PIK3CB: variants seen among roughly 807,000 people sequenced by gnomAD.
PIK3CB encodes phosphatidylinositol-4,5-bisphosphate 3-kinase catalytic subunit beta, also known as phosphatidylinositol 4,5-bisphosphate 3-kinase catalytic subunit beta isoform.
A neutral mutation model predicts 136.8 loss-of-function variants in PIK3CB; 39 were observed. The ratio of observed to expected loss-of-function variants is 0.29; its 90% CI spans 0.22 to 0.37. The LOEUF (loss-of-function observed/expected upper bound fraction) is 0.37, where lower values mean the gene tolerates loss of function less well. Among genes scored for constraint, PIK3CB ranks in the 10% least tolerant of loss-of-function variants. The probability of loss-of-function intolerance (pLI) is 1.00; values close to 1 mark genes in which losing one functional copy is unlikely to be tolerated. For missense variants in PIK3CB, 868 were observed against 1,275.4 expected, an observed-to-expected ratio of 0.68 and a Z score of 4.87; for synonymous variants, 428 against 436.6, an observed-to-expected ratio of 0.98 and a Z score of 0.25.
intron 19 of PIK3CB, among the ~76,000 whole-genome samples, chr3:138,672,212 T>C (rs2043548551): frequency 6.6e-6 from 1 of 152,126 alleles, no homozygotes; most frequent in African/African-American, 2.4e-5. Context: ...TATCTTTTCA[T>C]TGATCAGATG....
At chr3:138,679,936 TAAA>T (rs61222749) in intron 19 of PIK3CB, among the ~76,000 whole-genome samples, 9 of 110,816 alleles carry the variant, frequency 8.1e-5, no homozygotes, top group East Asian at 2.4e-4. Flanking sequence ...AACACAAAAG[TAAA>T]AAAAAAAAAA....
At chr3:138,709,562 T>C (rs1226320958) in intron 10 of PIK3CB, among the ~76,000 whole-genome samples, 1 of 152,202 alleles carries the variant, frequency 6.6e-6, no homozygotes, top group Non-Finnish European at 1.5e-5. Flanking sequence ...ACCTAGGGAC[T>C]CTGGATGGTA....
chr3:138,804,747 G>A (rs963995089), intron 1 of PIK3CB, among the ~76,000 whole-genome samples: 7 of 152,102 alleles, frequency 4.6e-5, no homozygotes, highest in Admixed American at 6.5e-5. Context: ...CAGTATGGCC[G>A]GGAACGGTGG....
intron 8 of PIK3CB, 62 bp downstream of exon 8, chr3:138,733,299 A>G (rs748561122): frequency 1.4e-6 from 1 of 696,650 alleles, no homozygotes; most frequent in Admixed American, 2.2e-5. Flanking sequence ...ATTATTGAGC[A>G]TATCAGTGAG....
At chr3:138,776,035 TA>T in intron 2 of PIK3CB, among the ~76,000 whole-genome samples, 1 of 152,108 alleles carries the variant, frequency 6.6e-6, no homozygotes, top group Middle Eastern at 3.4e-3. Flanking sequence ...CAGTCTCTAC[TA>T]AAAATACAAA....
intron 1 of PIK3CB, among the ~76,000 whole-genome samples, chr3:138,826,726 G>A (rs1392901763): frequency 2.0e-5 from 3 of 151,608 alleles, no homozygotes; most frequent in East Asian, 3.9e-4. Flanking sequence ...TCTCACACAC[G>A]TGTGCAATGG....
chr3:138,712,941 C>A (rs1194080874), intron 9 of PIK3CB, among the ~76,000 whole-genome samples: 1 of 152,080 alleles, frequency 6.6e-6, no homozygotes, highest in Non-Finnish European at 1.5e-5. Context: ...TTTCAACCTA[C>A]ATAAATCTCA....
chr3:138,826,054 G>A (rs1933771151), intron 1 of PIK3CB: 11 of 1,251,810 alleles, frequency 8.8e-6, no homozygotes, highest in East Asian at 2.3e-5. Context: ...CAGCTTGCAA[G>A]TTTGCTGACC....
chr3:138,813,314 C>T (rs1426539204), intron 1 of PIK3CB, among the ~76,000 whole-genome samples: 1 of 151,924 alleles, frequency 6.6e-6, no homozygotes, highest in African/African-American at 2.4e-5. Context: ...ATACAGTTCC[C>T]AAAGATCTAA....
intron 23 of PIK3CB, 63 bp downstream of exon 23, chr3:138,656,079 A>G (rs2108385237): frequency 6.5e-7 from 1 of 1,536,534 alleles, no homozygotes; most frequent in East Asian, 2.3e-5. Flanking sequence ...TGAATAAAAC[A>G]GGCAGCTAAA....
At chr3:138,794,766 TG>T (rs1164048408) in intron 2 of PIK3CB, among the ~76,000 whole-genome samples, 2 of 152,192 alleles carry the variant, frequency 1.3e-5, no homozygotes, top group South Asian at 2.1e-4. Flanking sequence ...CTGTGGTATC[TG>T]GGGGGAATTG....
At chr3:138,690,244 AAAG>A (rs1183564959) in intron 15 of PIK3CB, among the ~76,000 whole-genome samples, 4 of 151,992 alleles carry the variant, frequency 2.6e-5, no homozygotes, top group Non-Finnish European at 1.5e-5. Flanking sequence ...AAAAAGAAGA[AAAG>A]AAGAAAAAGA....
intron 2 of PIK3CB, among the ~76,000 whole-genome samples, chr3:138,784,691 G>A (rs925273680): frequency 2.0e-5 from 3 of 152,306 alleles, no homozygotes; most frequent in Admixed American, 6.5e-5. Flanking sequence ...TGGGCCTCCC[G>A]AGGTGCTGGG....
At chr3:138,826,383 C>G in intron 1 of PIK3CB, 1 of 1,497,006 alleles carries the variant, frequency 6.7e-7, no homozygotes, top group Non-Finnish European at 9.1e-7. Context: ...GAAGAATAGC[C>G]TCAGAAATGT....
At chr3:138,825,898 T>A (rs1933764504) in intron 1 of PIK3CB, 69 of 1,562,576 alleles carry the variant, frequency 4.4e-5, no homozygotes, top group Middle Eastern at 2.4e-4. Context: ...CTGTCAAAGA[T>A]GTTCATCACG....
chr3:138,819,971 C>CTCAA (rs1162312134), intron 1 of PIK3CB, among the ~76,000 whole-genome samples: 2 of 152,132 alleles, frequency 1.3e-5, no homozygotes, highest in Admixed American at 6.6e-5. Context: ...GAGACTCTGT[C>CTCAA]TCGATCAATC....
At chr3:138,772,669 G>A (rs1227801990) in intron 2 of PIK3CB, among the ~76,000 whole-genome samples, 1 of 146,628 alleles carries the variant, frequency 6.8e-6, no homozygotes, top group Non-Finnish European at 1.5e-5. Flanking sequence ...ACAAGGTTTC[G>A]CTACATATTC....
intron 2 of PIK3CB, among the ~76,000 whole-genome samples, chr3:138,792,719 T>C (rs1163540565): frequency 6.6e-6 from 1 of 152,194 alleles, no homozygotes; most frequent in East Asian, 1.9e-4. Context: ...GAAGAGAGGA[T>C]ATATCAAGGA....
intron 2 of PIK3CB, among the ~76,000 whole-genome samples, chr3:138,787,720 C>CTTTT (rs879420169): frequency 7.5e-6 from 1 of 133,102 alleles, no homozygotes; most frequent in South Asian, 2.4e-4. Context: ...CAAATGTATT[C>CTTTT]TTTTTTTTTT....
Sources: allele counts gnomAD v4.1 joint callset (sites outside exome capture counted in the v4.1 genomes callset), GRCh38; gene constraint gnomAD v4.1.1; transcripts MANE v1.5; gene names NCBI Gene and HGNC (gene_info 2026-07-23, HGNC 2026-07-21).